Variants in ZNF266 observed in about 807,000 individuals in gnomAD.
The protein encoded by ZNF266 is zinc finger protein 266, also known as zinc finger protein 1.
In ZNF266, 16 loss-of-function variants were observed where a neutral mutation model predicts 16.4. That is an observed-to-expected ratio of 0.98 (90% confidence interval 0.66 to 1.48). ZNF266 has a LOEUF of 1.48. Ranked by LOEUF, ZNF266 falls within the 40% of genes most tolerant of loss-of-function variation. The pLI is 0.00. For missense variants in ZNF266, 738 were observed against 689.1 expected, an observed-to-expected ratio of 1.07 and a Z score of -0.79; for synonymous variants, 262 against 237.9, an observed-to-expected ratio of 1.10 and a Z score of -0.93.
Position 9,433,652 on chromosome 19 carries a change from G to A in ZNF266, c.-130+16C>T, listed in dbSNP as rs1298544179. 1 of 151,812 alleles carries A rather than the reference G, an allele frequency of 6.6e-6. No individual in the cohort carries two copies. The highest frequency in any genetic ancestry group is 1.5e-5 in the Non-Finnish European group (1 of 67,970). The allele number at this position is 151,812 out of a possible 1,614,324, so 9.4% of individuals were successfully genotyped here. On this transcript the variant is annotated intron_variant, in intron 5 of 10. Coordinates refer to ENST00000592904, the MANE Select transcript of ZNF266 (RefSeq NM_001370374.1). ...TATTTTCCCTTGATTTACATCATTT[G>A]TCAGATATCACTTACTTTGGCCAGG...
Position 9,414,434 on chromosome 19 carries a change from G to C in ZNF266, c.692C>G (p.Ser231Cys), listed in dbSNP as rs1207430793. The change falls in exon 11 of 11, where the codon TCC becomes TGC. Residue 231 changes from serine (S) to cysteine (C), a missense_variant. By Grantham distance (112) the Ser-to-Cys change is moderately radical (BLOSUM62 -1). Transcript: ENST00000592904. The part of the protein sequence containing the change: ...KAFDCSDSGK[S>C]FINHSHLQGH... ...CTGAAGGTGTGAATGATTAATGAAG[G>C]ATTTCCCAGAGTCACTGCAATCAAA... is the stretch of plus-strand genomic sequence containing the variant. 3 of 1,614,134 alleles carry C rather than the reference G, an allele frequency of 1.9e-6. No homozygotes were observed. In the South Asian group the frequency reaches 3.3e-5, roughly 18 times the overall value.
chr19:9,415,647 A>C lies in ZNF266; in HGVS notation c.405+7T>G. On this transcript the variant is annotated splice_region_variant and intron_variant, in intron 10 of 10. Transcript: ENST00000592904. ...TGAAAACTAAGACGTATCCTTGTTA[A>C]TCTTACCATTTGAATCCCACTGGAG... 1 of 1,604,308 alleles carries C rather than the reference A, an allele frequency of 6.2e-7. No homozygotes were observed. The highest frequency in any genetic ancestry group is 8.5e-7 in the Non-Finnish European group (1 of 1,172,006).
In ZNF266 at chr19:9,414,198, T is replaced by TA; in HGVS notation, c.927dup (p.Lys310Ter). ...CTGGTGAAGGCTTTCCCACACTCCT[T>TA]ACACTCATAGGGATTGTCTCCAGTG... On this transcript the variant is annotated frameshift_variant, in exon 11 of 11. Coordinates refer to ENST00000592904, the MANE Select transcript of ZNF266 (RefSeq NM_001370374.1). LOFTEE classifies it low-confidence loss of function (END_TRUNC). 1 of 1,614,204 alleles carries TA rather than the reference T, an allele frequency of 6.2e-7. No homozygotes were observed. The highest frequency in any genetic ancestry group is 1.1e-5 in the South Asian group (1 of 91,090).
Position 9,414,640 on chromosome 19 carries a change from T to C in ZNF266, c.486A>G (p.Thr162=). 6.2e-7 allele frequency: 1 copy of C among 1,607,338 alleles called. No individual in the cohort carries two copies. ...DVSSEHSCLK[T]HVRTQNSENT... ...TCTCACTATTTTGAGTTCTCACATGTGTCTTAAGGCATGAGTGTTCACTGG... is the reference window on the plus strand; with the variant it reads ...TCTCACTATTTTGAGTTCTCACATGCGTCTTAAGGCATGAGTGTTCACTGG... The change falls in exon 11 of 11, where the codon ACA becomes ACG. Residue 162 remains threonine (T), a synonymous_variant. Coordinates refer to ENST00000592904, the MANE Select transcript of ZNF266 (RefSeq NM_001370374.1).
At chr19:9,418,269 TCTCA>T (rs2069365221) in intron 8 of ZNF266, among the ~76,000 whole-genome samples, 1 of 152,214 alleles carries the variant, frequency 6.6e-6, no homozygotes, top group Admixed American at 6.5e-5. Flanking sequence ...TGTTGCAGTT[TCTCA>T]CTGAGTATGT....
intron 5 of ZNF266, among the ~76,000 whole-genome samples, chr19:9,424,227 A>G (rs986297842): frequency 3.7e-5 from 1 of 26,954 alleles, no homozygotes; most frequent in Non-Finnish European, 8.4e-5. Context: ...AGGCAAAAAA[A>G]AAAAAAAAAA....
rs768121663 is a variant in ZNF266 at position 9,413,496 on chromosome 19, TG to T, written c.1629del (p.Thr544ArgfsTer80). On this transcript the variant is annotated frameshift_variant, in exon 11 of 11. Transcript: ENST00000592904. LOFTEE classifies it low-confidence loss of function (END_TRUNC). Reference protein sequence around the residue: ...CMECGKAFKFPTCVNLHMRIH... With the variant: ...CMECGKAFKFXTCVNLHMRIH... ...ATCCGCATGTGAAGGTTAACACACG[TG>T]GGAAACTTAAAAGCTTTGCCACATT... 18 of 1,612,526 alleles carry T rather than the reference TG, an allele frequency of 1.1e-5. No individual in the cohort carries two copies. In the African/African-American group the frequency reaches 2.3e-4, roughly 20 times the overall value.
intron 5 of ZNF266, among the ~76,000 whole-genome samples, chr19:9,426,752 T>C (rs577879739): frequency 6.6e-6 from 1 of 152,256 alleles, no homozygotes; most frequent in South Asian, 2.1e-4. Flanking sequence ...GGGGCTCAAA[T>C]TACACTTATA....
chr19:9,424,662 C>T (rs555674226), intron 5 of ZNF266, among the ~76,000 whole-genome samples: 1 of 152,204 alleles, frequency 6.6e-6, no homozygotes, highest in Non-Finnish European at 1.5e-5. Context: ...TTTAAATGAA[C>T]CATTTACTTC....
intron 5 of ZNF266, among the ~76,000 whole-genome samples, chr19:9,427,874 T>C (rs1599540878): frequency 6.6e-6 from 1 of 152,220 alleles, no homozygotes; most frequent in South Asian, 2.1e-4. Flanking sequence ...CAGTATCTTT[T>C]AGTAATTTTT....
chr19:9,421,369 T>C (rs1463732855), intron 5 of ZNF266, among the ~76,000 whole-genome samples: 1 of 152,226 alleles, frequency 6.6e-6, no homozygotes, highest in Admixed American at 6.5e-5. Context: ...TTTAATTTGG[T>C]GAAATCTAAA....
chr19:9,432,106 C>A lies in ZNF266; in HGVS notation c.-130+1562G>T, dbSNP rs537791816. On this transcript the variant is annotated intron_variant, in intron 5 of 10. Coordinates refer to ENST00000592904, the MANE Select transcript of ZNF266 (RefSeq NM_001370374.1). Reference sequence around the variant, plus strand: ...AAGTGGCTGGGATTACAGGCACCCACCACCATGCCCGGCTAATTTTTGTAT... The same window carrying A: ...AAGTGGCTGGGATTACAGGCACCCAACACCATGCCCGGCTAATTTTTGTAT... 1.9e-4 allele frequency among the ~76,000 whole-genome samples: 28 copies of A among 147,204 alleles called. No individual in the cohort carries two copies. In the East Asian group the frequency reaches 2.4e-3, roughly 13 times the overall value.
intron 7 of ZNF266, 138 bp downstream of exon 7, chr19:9,419,078 GA>G (rs2069469272): frequency 6.4e-6 from 1 of 157,386 alleles, no homozygotes. Flanking sequence ...CTCCTTCCGG[GA>G]ATTCGACTAG....
chr19:9,414,867 T>C, intron 10 of ZNF266, 147 bp from the exon 11 acceptor site: 1 of 944,164 alleles, frequency 1.1e-6, no homozygotes, highest in Non-Finnish European at 1.4e-6. Context: ...TTTGATTTCT[T>C]TCCAGCGGAA....
chr19:9,414,002 G>C lies in ZNF266; in HGVS notation c.1124C>G (p.Ser375Cys). Residue 375 changes from serine (S) to cysteine (C), a missense_variant, in exon 11 of 11, where the codon TCT becomes TGT. Physicochemically the swap from Ser to Cys is moderately radical, Grantham distance 112. Transcript: ENST00000592904. ...CKECGIAFTR[S>C]SQLTEHLKTH... ...TTTTAAATGTTCAGTAAGTTGAGAA[G>C]ATCTAGTGAAGGCTATCCCACATTC... 1 of 1,614,192 alleles carries C rather than the reference G, an allele frequency of 6.2e-7. No homozygotes were observed. Among genetic ancestry groups the C allele is most frequent in the Non-Finnish European group, 8.5e-7 (1 of 1,180,050 alleles).
chr19:9,418,475 G>C, intron 8 of ZNF266, 30 bp downstream of exon 8: 1 of 1,612,394 alleles, frequency 6.2e-7, no homozygotes, highest in Non-Finnish European at 8.5e-7. Flanking sequence ...CTGTTCCATA[G>C]TAGGCTACAA....
At chr19:9,434,395 CTTAA>C (rs2072129068) in intron 3 of ZNF266, among the ~76,000 whole-genome samples, 160 bp from the exon 4 acceptor site, 2 of 152,104 alleles carry the variant, frequency 1.3e-5, no homozygotes, top group African/African-American at 2.4e-5. Context: ...TTTACTATGC[CTTAA>C]TTAACCATTC....
chr19:9,430,569 T>G lies in ZNF266; in HGVS notation c.-130+3099A>C, dbSNP rs564392678. On this transcript the variant is annotated intron_variant, in intron 5 of 10. Transcript: ENST00000592904. ...CTCATACCCTCCAACATAACTGCCC[T>G]ACATCTATTTTTAGGCCTGACATAA... 3.3e-5 allele frequency among the ~76,000 whole-genome samples: 5 copies of G among 152,270 alleles called. No individual in the cohort carries two copies. In the South Asian group the frequency reaches 8.3e-4, roughly 25 times the overall value.
At chr19:9,434,550 A>T (rs919229822) in intron 3 of ZNF266, among the ~76,000 whole-genome samples, 6 of 152,244 alleles carry the variant, frequency 3.9e-5, no homozygotes, top group African/African-American at 1.4e-4. Flanking sequence ...ACGGATAAAC[A>T]GTGTCTGCTA....
Sources: gnomAD v4.1 joint callset for allele counts (sites outside exome capture counted in the v4.1 genomes callset) on GRCh38, gnomAD v4.1.1 for gene constraint, MANE v1.5 for transcripts, NCBI Gene and HGNC (gene_info 2026-07-23, HGNC 2026-07-21) for gene names.